Variants in MEIS1 observed in about 807,000 individuals in gnomAD.
MEIS1 encodes the protein Meis homeobox 1.
A neutral mutation model predicts 50.8 loss-of-function variants in MEIS1; 5 were observed. The observed-to-expected ratio is 0.10, with a 90% CI of 0.05 to 0.21. The LOEUF is 0.21. MEIS1 is among the 10% of genes least tolerant of loss of function. MEIS1 has a pLI of 1.00. For synonymous variants in MEIS1, 176 were observed against 179.3 expected, an observed-to-expected ratio of 0.98 and a Z score of 0.15; for missense variants, 318 against 517.3, an observed-to-expected ratio of 0.61 and a Z score of 3.74.
chr2:66,504,148 T>TC, intron 7 of MEIS1, among the ~76,000 whole-genome samples: 1 of 152,238 alleles, frequency 6.6e-6, no homozygotes, highest in East Asian at 1.9e-4. Context: ...ACTCTCCATG[T>TC]CTTCCTTTAG....
intron 7 of MEIS1, among the ~76,000 whole-genome samples, chr2:66,504,798 A>G (rs1417094286): frequency 6.6e-6 from 1 of 152,214 alleles, no homozygotes; most frequent in African/African-American, 2.4e-5. Flanking sequence ...GCTCTGCCAC[A>G]GTAGGTTCCC....
intron 5 of MEIS1, 98 bp from the exon 6 acceptor site, chr2:66,442,804 G>T: frequency 8.6e-7 from 1 of 1,158,554 alleles, no homozygotes; most frequent in Non-Finnish European, 1.2e-6. Flanking sequence ...TCCCCTATTT[G>T]GAAGTTTGGA....
chr2:66,473,393 A>ATATATAT (rs1279944783), intron 7 of MEIS1, among the ~76,000 whole-genome samples: 1 of 116,902 alleles, frequency 8.6e-6, no homozygotes, highest in African/African-American at 5.7e-5. Flanking sequence ...AAAAAAAAAA[A>ATATATAT]AAAAATATAT....
intron 6 of MEIS1, among the ~76,000 whole-genome samples, chr2:66,446,408 G>A (rs1017440705): frequency 2.6e-4 from 39 of 152,260 alleles, no homozygotes; most frequent in Non-Finnish European, 1.8e-4. Context: ...AGGGGAGAGC[G>A]GAGCAGAGTC....
chr2:66,523,388 C>G (rs981056756), intron 8 of MEIS1, among the ~76,000 whole-genome samples: 2 of 152,184 alleles, frequency 1.3e-5, no homozygotes, highest in African/African-American at 2.4e-5. Flanking sequence ...TATTAAATTA[C>G]AGACAATAAT....
At chr2:66,499,487 C>T (rs1284258815) in intron 7 of MEIS1, among the ~76,000 whole-genome samples, 2 of 151,910 alleles carry the variant, frequency 1.3e-5, no homozygotes, top group East Asian at 3.9e-4. Context: ...TGCACTTTAC[C>T]TTCCCCCACA....
chr2:66,439,447 C>T, intron 2 of MEIS1: 1 of 1,365,334 alleles, frequency 7.3e-7, no homozygotes, highest in Non-Finnish European at 9.4e-7. Flanking sequence ...CAGCCCTCCC[C>T]AACTCTCCGC....
chr2:66,571,153 T>C, intron 12 of MEIS1, 93 bp from the exon 13 acceptor site: 1 of 1,302,078 alleles, frequency 7.7e-7, no homozygotes, highest in Non-Finnish European at 1.1e-6. Context: ...ATCACAGGGT[T>C]CTCTGGCTTT....
chr2:66,524,613 T>C lies in MEIS1; in HGVS notation c.888+12319T>C, dbSNP rs562270728. Among the ~76,000 whole-genome samples, 101 of 152,206 alleles carry C rather than the reference T, an allele frequency of 6.6e-4. 1 individual carries two copies. Among genetic ancestry groups the C allele is most frequent in the African/African-American group, 1.9e-3 (80 of 41,542 alleles). ...ATTAAAAAAAAAGGTGATATTGTGA[T>C]AAGTCATATCATTGGAAACATTGCT... On this transcript the variant is annotated intron_variant, in intron 8 of 12. Transcript: ENST00000272369.
chr2:66,557,458 C>T (rs971594139), intron 9 of MEIS1, among the ~76,000 whole-genome samples: 3 of 152,156 alleles, frequency 2.0e-5, no homozygotes, highest in African/African-American at 7.2e-5. Flanking sequence ...TCCAACAGCT[C>T]CTGGCAACCA....
chr2:66,499,374 C>A (rs1021089364), intron 7 of MEIS1, among the ~76,000 whole-genome samples: 1 of 151,390 alleles, frequency 6.6e-6, no homozygotes, highest in African/African-American at 2.4e-5. Context: ...CTCTTTTTTT[C>A]CCCCTGACCC....
intron 7 of MEIS1, among the ~76,000 whole-genome samples, chr2:66,503,261 A>G (rs1673600267): frequency 6.6e-6 from 1 of 152,116 alleles, no homozygotes; most frequent in Non-Finnish European, 1.5e-5. Flanking sequence ...AACCCTAGGG[A>G]TGAACACCCA....
chr2:66,568,528 ACTTT>A, intron 10 of MEIS1, 135 bp from the exon 11 acceptor site: 2 of 343,702 alleles, frequency 5.8e-6, no homozygotes, highest in Non-Finnish European at 9.9e-6. Flanking sequence ...GAGAAATTTC[ACTTT>A]GAATGTTTAA....
At chr2:66,464,283 T>G in intron 7 of MEIS1, 63 bp downstream of exon 7, 1 of 1,304,334 alleles carries the variant, frequency 7.7e-7, no homozygotes, top group Non-Finnish European at 1.1e-6. Flanking sequence ...AAATCAGAAA[T>G]GTCTAGTGAG....
chr2:66,491,153 C>G (rs1246149791), intron 7 of MEIS1, among the ~76,000 whole-genome samples: 1 of 152,184 alleles, frequency 6.6e-6, no homozygotes, highest in African/African-American at 2.4e-5. Context: ...AAAGCACACA[C>G]TGCTGGGTAC....
chr2:66,452,842 T>C (rs1672306333), intron 6 of MEIS1, among the ~76,000 whole-genome samples: 1 of 151,946 alleles, frequency 6.6e-6, no homozygotes, highest in Non-Finnish European at 1.5e-5. Context: ...AATAACAAAA[T>C]AAGCAAGAAA....
intron 8 of MEIS1, among the ~76,000 whole-genome samples, chr2:66,535,287 A>G (rs1253795189): frequency 6.6e-6 from 1 of 152,206 alleles, no homozygotes; most frequent in Non-Finnish European, 1.5e-5. Flanking sequence ...TTCACCAGTA[A>G]TTGTGAGGTT....
intron 6 of MEIS1, among the ~76,000 whole-genome samples, chr2:66,457,251 T>C (rs1672413771): frequency 6.6e-6 from 1 of 151,532 alleles, no homozygotes; most frequent in Non-Finnish European, 1.5e-5. Flanking sequence ...CAAAGGAGTA[T>C]GTTTTGAGAG....
intron 9 of MEIS1, among the ~76,000 whole-genome samples, chr2:66,563,887 C>T (rs187435074): frequency 2.6e-4 from 39 of 152,200 alleles, no homozygotes; most frequent in Admixed American, 2.2e-3. Flanking sequence ...ATAAAATACA[C>T]TAAAGAGAAT....
Sources: gnomAD v4.1 joint callset for allele counts (sites outside exome capture counted in the v4.1 genomes callset) on GRCh38, gnomAD v4.1.1 for gene constraint, MANE v1.5 for transcripts, NCBI Gene and HGNC (gene_info 2026-07-23, HGNC 2026-07-21) for gene names.